Variants in HK2 observed in about 807,000 individuals in gnomAD.
HK2 encodes hexokinase-2.
In HK2, 42 loss-of-function variants were observed where a neutral mutation model predicts 92.9. The ratio of observed to expected loss-of-function variants is 0.45; its 90% CI spans 0.35 to 0.58. The LOEUF (loss-of-function observed/expected upper bound fraction) is 0.58. Among genes scored for constraint, HK2 ranks in the 20% least tolerant of loss-of-function variants. The pLI is 0.00. For missense variants in HK2, 978 were observed against 1,245.1 expected (o/e 0.79, Z 3.23); for synonymous variants, 422 against 468.0 (o/e 0.90, Z 1.27).
chr2:74,888,113 C>T, intron 16 of HK2, 55 bp downstream of exon 16: 3 of 1,569,594 alleles, frequency 1.9e-6, no homozygotes, highest in Non-Finnish European at 2.6e-6. Flanking sequence ...TTCTCACTGG[C>T]AGACAAACTG....
chr2:74,844,845 G>A (rs902848541), intron 1 of HK2, among the ~76,000 whole-genome samples: 7 of 152,244 alleles, frequency 4.6e-5, no homozygotes, highest in African/African-American at 1.7e-4. Flanking sequence ...TCAGTCGGGA[G>A]TAGCCAGCTC....
At chr2:74,836,302 G>A (rs1193294173) in intron 1 of HK2, among the ~76,000 whole-genome samples, 1 of 152,182 alleles carries the variant, frequency 6.6e-6, no homozygotes, top group Non-Finnish European at 1.5e-5. Flanking sequence ...CACCAGGGTT[G>A]GAACCCCGTT....
At chr2:74,870,945 G>C (rs985343863) in intron 3 of HK2, among the ~76,000 whole-genome samples, 1 of 152,172 alleles carries the variant, frequency 6.6e-6, no homozygotes, top group Admixed American at 6.5e-5. Flanking sequence ...TCCAGATTGG[G>C]GTGGCCTTGT....
intron 15 of HK2, among the ~76,000 whole-genome samples, chr2:74,887,114 G>T (rs1689557689): frequency 6.6e-6 from 1 of 152,246 alleles, no homozygotes; most frequent in Admixed American, 6.5e-5. Flanking sequence ...CGGGGTCTGA[G>T]CTAAGAGACA....
At chr2:74,864,046 G>C (rs1224978812) in intron 2 of HK2, among the ~76,000 whole-genome samples, 2 of 152,146 alleles carry the variant, frequency 1.3e-5, no homozygotes. Context: ...CCATGTCATA[G>C]GAAACCCCTC....
intron 1 of HK2, among the ~76,000 whole-genome samples, chr2:74,835,826 G>A (rs764430388): frequency 6.6e-6 from 1 of 152,214 alleles, no homozygotes; most frequent in Non-Finnish European, 1.5e-5. Flanking sequence ...TTCAATATCT[G>A]ATGGGAACAC....
At chr2:74,876,149 C>T (rs1689227048) in intron 7 of HK2, among the ~76,000 whole-genome samples, 1 of 152,220 alleles carries the variant, frequency 6.6e-6, no homozygotes, top group East Asian at 1.9e-4. Flanking sequence ...GCGCTGTCAT[C>T]TTCACAATTT....
At chr2:74,847,835 C>T (rs1688479306) in intron 1 of HK2, among the ~76,000 whole-genome samples, 1 of 152,202 alleles carries the variant, frequency 6.6e-6, no homozygotes. Flanking sequence ...TCTGGGCAGC[C>T]AGACTTTCTC....
Position 74,874,249 on chromosome 2 carries a change from G to A in HK2, c.692-17G>A, listed in dbSNP as rs192740423. 1.8e-3 allele frequency: 2,847 copies of A among 1,614,062 alleles called. 10 individuals are homozygous for A. Among genetic ancestry groups the A allele is most frequent in the Non-Finnish European group, 1.6e-3 (1,855 of 1,179,988 alleles). ...GGCCGGAGCAGGCGTGTGCATAGCCGTCCCTTGTTTTGGCAGGCACGGGCA... is the reference window on the plus strand; with the variant it reads ...GGCCGGAGCAGGCGTGTGCATAGCCATCCCTTGTTTTGGCAGGCACGGGCA... On this transcript the variant is annotated splice_polypyrimidine_tract_variant and intron_variant, in intron 6 of 17. Coordinates refer to ENST00000290573, the MANE Select transcript of HK2 (RefSeq NM_000189.5).
chr2:74,867,890 A>G (rs1573375575), intron 3 of HK2, 106 bp downstream of exon 3: 6 of 1,301,308 alleles, frequency 4.6e-6, no homozygotes, highest in Non-Finnish European at 6.7e-6. Context: ...GCAGTCACCC[A>G]AGACACTCAT....
Position 74,872,435 on chromosome 2 carries a change from C to T in HK2, c.495+16C>T. 7 of 1,613,866 alleles carry T rather than the reference C, an allele frequency of 4.3e-6. No homozygotes were observed. The highest frequency in any genetic ancestry group is 5.9e-6 in the Non-Finnish European group (7 of 1,179,842). On this transcript the variant is annotated intron_variant, in intron 4 of 17. Transcript: ENST00000290573. Reference sequence around the variant, plus strand: ...ACTAGACGAGGTAAGATGGGCTCCTCAGACACTTGTTGCTTCACTCTTGGG... The same window carrying T: ...ACTAGACGAGGTAAGATGGGCTCCTTAGACACTTGTTGCTTCACTCTTGGG...
intron 1 of HK2, among the ~76,000 whole-genome samples, chr2:74,848,768 C>G (rs566834387): frequency 6.6e-6 from 1 of 152,272 alleles, no homozygotes; most frequent in South Asian, 2.1e-4. Flanking sequence ...GGCCAGGTTC[C>G]CACAGGGACC....
chr2:74,880,192 CAACTGTCT>C (rs1689346135), intron 9 of HK2, 65 bp from the exon 10 acceptor site: 3 of 1,536,458 alleles, frequency 2.0e-6, no homozygotes, highest in Non-Finnish European at 2.7e-6. Flanking sequence ...AGGCGGTGGG[CAACTGTCT>C]AACTATTTGC....
Position 74,874,396 on chromosome 2 carries a change from C to T in HK2, c.822C>T (p.Arg274=), listed in dbSNP as rs1376450938. 1.2e-6 allele frequency: 2 copies of T among 1,613,140 alleles called. No homozygotes were observed. Among genetic ancestry groups the T allele is most frequent in the Non-Finnish European group, 1.7e-6 (2 of 1,179,462 alleles). ...ACGATGGCTCGCTCAACGACATTCG[C>T]ACTGAGTTTGACCAGGAGATTGACA... is the stretch of plus-strand genomic sequence containing the variant. ...FGDDGSLNDI[R]TEFDQEIDMG... The change falls in exon 7 of 18, where the codon CGC becomes CGT. Residue 274 remains arginine (R), a synonymous_variant. Coordinates refer to ENST00000290573, the MANE Select transcript of HK2 (RefSeq NM_000189.5).
At chr2:74,848,390 C>T (rs2103862487) in intron 1 of HK2, among the ~76,000 whole-genome samples, 1 of 152,284 alleles carries the variant, frequency 6.6e-6, no homozygotes, top group South Asian at 2.1e-4. Context: ...CCATTTTAAC[C>T]ATTTTAAGTG....
At chr2:74,867,280 A>G (rs1274540195) in intron 2 of HK2, among the ~76,000 whole-genome samples, 1 of 151,322 alleles carries the variant, frequency 6.6e-6, no homozygotes, top group Non-Finnish European at 1.5e-5. Flanking sequence ...GGAATGGAAA[A>G]CCAAACATCA....
intron 10 of HK2, among the ~76,000 whole-genome samples, chr2:74,881,282 CGA>C (rs2103990883): frequency 6.6e-6 from 1 of 152,278 alleles, no homozygotes; most frequent in South Asian, 2.1e-4. Flanking sequence ...AGAAGACAGT[CGA>C]TGAGCAGGCC....
chr2:74,880,210 C>T, intron 9 of HK2, 55 bp from the exon 10 acceptor site: 2 of 1,589,372 alleles, frequency 1.3e-6, no homozygotes, highest in Non-Finnish European at 8.6e-7. Flanking sequence ...TAACTATTTG[C>T]ACCATTGACC....
intron 1 of HK2, among the ~76,000 whole-genome samples, chr2:74,852,645 G>A (rs1010327965): frequency 6.6e-6 from 1 of 151,834 alleles, no homozygotes; most frequent in Non-Finnish European, 1.5e-5. Context: ...AACAAGCTGG[G>A]CAATATAGCA....
Sources: allele counts gnomAD v4.1 joint callset (sites outside exome capture counted in the v4.1 genomes callset), GRCh38; gene constraint gnomAD v4.1.1; transcripts MANE v1.5; gene names NCBI Gene and HGNC (gene_info 2026-07-23, HGNC 2026-07-21).